Variants in GGTLC2 observed in about 807,000 individuals in gnomAD.
The protein encoded by GGTLC2 is glutathione hydrolase light chain 2.
In GGTLC2, 13 loss-of-function variants were observed where a neutral mutation model predicts 20.2. The observed-to-expected ratio is 0.64, with a 90% CI of 0.42 to 1.02. The LOEUF (loss-of-function observed/expected upper bound fraction) is 1.02. GGTLC2 is among the 50% of genes least tolerant of loss of function. The pLI, the probability that GGTLC2 is intolerant of heterozygous loss-of-function variation, is 0.00. For missense variants in GGTLC2, 202 were observed against 301.3 expected (o/e 0.67, Z 2.44); for synonymous variants, 89 against 125.5 (o/e 0.71, Z 1.94).
At chr22:22,647,547 G>A (rs1192753963) in intron 5 of GGTLC2, 48 bp from the exon 6 acceptor site, 3 of 1,605,098 alleles carry the variant, frequency 1.9e-6, no homozygotes, top group Non-Finnish European at 2.6e-6. Context: ...TGTGGTTCAG[G>A]TGGCATCTGG....
chr22:22,645,652 C>A (rs1230914848), intron 1 of GGTLC2, among the ~76,000 whole-genome samples: 1 of 150,760 alleles, frequency 6.6e-6, no homozygotes, highest in Admixed American at 6.6e-5. Context: ...CACTCCCCAG[C>A]CTGCTCATTC....
rs759041645 is a variant in GGTLC2, at chr22:22,647,293, G to A, written c.510+3G>A. The stretch of plus-strand genomic sequence containing the variant: ...CAGTGGAGAGAAACATTGACCAGGT[G>A]GGCCGGGGGTTGGAGAAACTGAGTC... On this transcript the variant is annotated splice_donor_region_variant and intron_variant, in intron 5 of 5. Transcript: ENST00000448514. 3 of 1,609,516 alleles carry A rather than the reference G, an allele frequency of 1.9e-6. No individual in the cohort carries two copies. Among genetic ancestry groups the A allele is most frequent in the Non-Finnish European group, 2.5e-6 (3 of 1,178,642 alleles).
At chr22:22,645,038 G>A (rs550174439) in intron 1 of GGTLC2, among the ~76,000 whole-genome samples, 5 of 144,800 alleles carry the variant, frequency 3.5e-5, no homozygotes, top group South Asian at 2.4e-4. Context: ...GACTACAGGC[G>A]CCCGCCACCA....
rs781402782 is a variant in GGTLC2, at chr22:22,647,759, G to A, written c.*18G>A. 1.3e-6 allele frequency: 2 copies of A among 1,582,472 alleles called. No individual in the cohort carries two copies. The highest frequency in any genetic ancestry group is 1.7e-6 in the Non-Finnish European group (2 of 1,163,446). ...GCTACTGAGTGCTCCAGGAGGACAA[G>A]GCTGACAAGCAATCCAGGGACAAGA... is the stretch of plus-strand genomic sequence containing the variant. On this transcript the variant is annotated 3_prime_UTR_variant, in exon 6 of 6. Coordinates refer to ENST00000448514, the MANE Select transcript of GGTLC2 (RefSeq NM_199127.3).
rs529964047 is a variant in GGTLC2, at chr22:22,645,125, G to C, written c.-35+417G>C. On this transcript the variant is annotated intron_variant, in intron 1 of 5. Coordinates refer to ENST00000448514, the MANE Select transcript of GGTLC2 (RefSeq NM_199127.3). Reference sequence around the variant, plus strand: ...GCCAGGATGATCTCCATCTCCTGACGTCATGATCCGCCCTCCCAAAGTGCT... The same window carrying C: ...GCCAGGATGATCTCCATCTCCTGACCTCATGATCCGCCCTCCCAAAGTGCT... Among the ~76,000 whole-genome samples, 477 of 71,708 alleles carry C rather than the reference G, an allele frequency of 6.7e-3. 4 individuals carry two copies. The highest frequency in any genetic ancestry group is 0.025 in the African/African-American group (462 of 18,404). The allele number at this position is 71,708 out of a possible 152,430, so 47.0% of individuals were successfully genotyped here.
rs1309911438 is a variant in GGTLC2, at chr22:22,647,690, C to T, written c.606C>T (p.Gly202=). The T allele has an allele frequency of 6.9e-6, 11 of 1,600,694 alleles. No homozygotes were observed. The South Asian group carries it at 1.1e-4, about 16-fold the overall frequency. The change falls in exon 6 of 6, where the codon GGC becomes GGT. Residue 202 remains glycine (G), a synonymous_variant. Coordinates refer to ENST00000448514, the MANE Select transcript of GGTLC2 (RefSeq NM_199127.3). ...AAGCCATCGTCCGCACGGCTGGTGG[C>T]TGGGCAGCTGCCTCGGACTCCAGGA... ...VVQAIVRTAG[G]WAAASDSRKG...
chr22:22,645,153 C>G (rs375745201), intron 1 of GGTLC2, among the ~76,000 whole-genome samples: 660 of 145,588 alleles, frequency 4.5e-3, no homozygotes, highest in African/African-American at 6.5e-3. Flanking sequence ...AAAGTGCTGG[C>G]ATTACAGGCC....
At chr22:22,644,878 CTCTCTTTTTTTTT>C (rs1569284925) in intron 1 of GGTLC2, among the ~76,000 whole-genome samples, 170 bp downstream of exon 1, 86 of 72,412 alleles carry the variant, frequency 1.2e-3, no homozygotes, top group Middle Eastern at 7.0e-3. Flanking sequence ...GAGTCAGACT[CTCTCTTTTTTTTT>C]TTTTTTTTTT....
chr22:22,647,539 T>C (rs1228813634), intron 5 of GGTLC2, 56 bp from the exon 6 acceptor site: 20 of 1,607,100 alleles, frequency 1.2e-5, no homozygotes, highest in Non-Finnish European at 1.5e-5. Context: ...CACACAGGTG[T>C]GGTTCAGGTG....
At chr22:22,646,218 A>C in intron 1 of GGTLC2, 94 bp from the exon 2 acceptor site, 1 of 1,410,634 alleles carries the variant, frequency 7.1e-7, no homozygotes, top group Non-Finnish European at 9.6e-7. Context: ...GAGCCACGGA[A>C]GGTTGTGGGT....
chr22:22,646,768 T>C lies in GGTLC2; in HGVS notation c.191T>C (p.Val64Ala). The C allele has an allele frequency of 6.2e-7, 1 of 1,610,292 alleles. No homozygotes were observed. Among genetic ancestry groups the C allele is most frequent in the Non-Finnish European group, 8.5e-7 (1 of 1,178,452 alleles). The change falls in exon 3 of 6, where the codon GTC (valine) becomes GCC (alanine). Residue 64 changes from valine to alanine, a missense_variant. By Grantham distance (64) the Val-to-Ala change is moderately conservative (BLOSUM62 0). Transcript: ENST00000448514. ...CTGGGCGGTAGCTTTGGCTCCAAGGTCCGCTCCCCGGTCAGCGAGATCCTG... is the reference window on the plus strand; with the variant it reads ...CTGGGCGGTAGCTTTGGCTCCAAGGCCCGCTCCCCGGTCAGCGAGATCCTG... The part of the protein sequence containing the change: ...STINLYFGSK[V>A]RSPVSEILFN...
In GGTLC2 at chr22:22,647,261, G is replaced by A. The variant is rs62225863; in HGVS notation, c.481G>A (p.Val161Ile). The A allele has an allele frequency of 4.0e-5, 65 of 1,610,964 alleles. No individual in the cohort carries two copies. Among genetic ancestry groups the A allele is most frequent in the South Asian group, 8.8e-5 (8 of 90,970 alleles). Residue 161 changes from valine (V) to isoleucine (I), a missense_variant, in exon 5 of 6, where the codon GTC (valine) becomes ATC (isoleucine). Val to Ile is a conservative substitution (Grantham distance 29). Around this residue, in one of 4 missense-constraint regions of GGTLC2, gnomAD observed 65 missense variants for 87.5 expected, o/e 0.74. Transcript: ENST00000448514. ...PRLHNQLLPN[V>I]TTVERNIDQA... ...GCTGCACAACCAGCTTCTGCCCAAC[G>A]TCACGACAGTGGAGAGAAACATTGA...
chr22:22,645,206 G>A (rs866508060), intron 1 of GGTLC2, among the ~76,000 whole-genome samples: 284 of 149,644 alleles, frequency 1.9e-3, no homozygotes, highest in Non-Finnish European at 2.3e-3. Context: ...GAGCCACCGC[G>A]CCCGGTGTTG....
intron 1 of GGTLC2, among the ~76,000 whole-genome samples, chr22:22,645,135 GC>G (rs1483449945): frequency 1.6e-4 from 2 of 12,784 alleles, no homozygotes; most frequent in Non-Finnish European, 2.5e-4. Flanking sequence ...GTCATGATCC[GC>G]CCTCCCAAAG....
At position 22,646,465 on chromosome 22, in the gene GGTLC2, G is replaced by A. The variant is rs1463858774; in HGVS notation, c.120G>A (p.Leu40=). The stretch of plus-strand genomic sequence containing the variant: ...CGGTTGATGGGGGCACTGCTCACCT[G>A]TCTGTCGTCGCAGAGGACGGCAGTG... ...YTPVDGGTAH[L]SVVAEDGSAV... Residue 40 remains leucine, a synonymous_variant, in exon 2 of 6, where the codon CTG becomes CTA. Transcript: ENST00000448514. 9.1e-6 allele frequency: 14 copies of A among 1,546,098 alleles called. No individual in the cohort carries two copies. The highest frequency in any genetic ancestry group is 1.2e-5 in the Non-Finnish European group (14 of 1,136,504).
rs556244205 is a variant in GGTLC2 at position 22,646,993 on chromosome 22, G to A, written c.315G>A (p.Pro105=). ...PANFIQPGKQ[P]LSSMCPTIMV... is the part of the protein sequence containing the mutation. ...TCCCATCGGCCACAGGGAAGCAGCCGCTCTCGTCAATGTGCCCGACGATCA... is the reference window on the plus strand; with the variant it reads ...TCCCATCGGCCACAGGGAAGCAGCCACTCTCGTCAATGTGCCCGACGATCA... The change falls in exon 4 of 6, where the codon CCG becomes CCA. Residue 105 remains proline (P), a synonymous_variant. Transcript: ENST00000448514. 31 of 1,611,648 alleles carry A rather than the reference G, an allele frequency of 1.9e-5. No homozygotes were observed. The highest frequency in any genetic ancestry group is 6.7e-5 in the Admixed American group (4 of 59,968).
intron 5 of GGTLC2, 78 bp downstream of exon 5, chr22:22,647,368 G>A: frequency 1.2e-6 from 2 of 1,606,406 alleles, no homozygotes; most frequent in Non-Finnish European, 1.7e-6. Context: ...GATCATCACA[G>A]AGTGGACAAT....
rs746333405 is a variant in GGTLC2, at chr22:22,647,642, G to T, written c.558G>T (p.Ala186=). 3.2e-6 allele frequency: 5 copies of T among 1,580,008 alleles called. No individual in the cohort carries two copies. Among genetic ancestry groups the T allele is most frequent in the South Asian group, 1.1e-5 (1 of 90,234 alleles). Residue 186 remains alanine (A), a synonymous_variant, in exon 6 of 6, where the codon GCG becomes GCT. Coordinates refer to ENST00000448514, the MANE Select transcript of GGTLC2 (RefSeq NM_199127.3). The part of the protein sequence containing the change: ...LETRHHHTQI[A]STFIAVVQAI... ...CCCGGCACCATCACACCCAGATCGC[G>T]TCCACCTTCATCGCTGTGGTGCAAG...
At chr22:22,646,135 G>C in intron 1 of GGTLC2, 177 bp from the exon 2 acceptor site, 1 of 1,392,410 alleles carries the variant, frequency 7.2e-7, no homozygotes, top group Non-Finnish European at 9.6e-7. Context: ...GACATTCAGA[G>C]TTGCTGGAAT....
Sources: allele counts gnomAD v4.1 joint callset (sites outside exome capture counted in the v4.1 genomes callset), GRCh38; gene constraint gnomAD v4.1.1; regional missense constraint gnomAD v4.1.1; transcripts MANE v1.5; gene names NCBI Gene and HGNC (gene_info 2026-07-23, HGNC 2026-07-21).